CUL3: variants seen among roughly 807,000 people sequenced by gnomAD.
The protein encoded by CUL3 is cullin-3.
CUL3 carries 19 observed loss-of-function variants against 89.1 expected under a neutral mutation model. That is an observed-to-expected ratio of 0.21 (90% CI 0.15 to 0.31). CUL3 has a LOEUF of 0.31. CUL3 is among the 10% of genes least tolerant of loss of function. The pLI is 1.00. For synonymous variants in CUL3, 351 were observed against 308.4 expected, an observed-to-expected ratio of 1.14 and a Z score of -1.45; for missense variants, 469 against 942.3, an observed-to-expected ratio of 0.50 and a Z score of 6.58.
At chr2:224,573,411 TAC>T (rs1200106946) in intron 1 of CUL3, among the ~76,000 whole-genome samples, 1 of 152,214 alleles carries the variant, frequency 6.6e-6, no homozygotes. Context: ...TTCAAGTCAA[TAC>T]ACACTAAGGT....
At chr2:224,528,006 A>G (rs955392489) in intron 3 of CUL3, among the ~76,000 whole-genome samples, 2 of 152,186 alleles carry the variant, frequency 1.3e-5, no homozygotes, top group African/African-American at 2.4e-5. Flanking sequence ...CAACTCACCT[A>G]AATTATCCCC....
At chr2:224,500,284 C>T (rs369283771) in intron 11 of CUL3, 79 bp downstream of exon 11, 50 of 1,491,560 alleles carry the variant, frequency 3.4e-5, no homozygotes, top group South Asian at 2.1e-4. Context: ...TCCTCAATTA[C>T]GGATACTAAT....
At position 224,532,817 on chromosome 2, in the gene CUL3, T is replaced by C. The variant is rs542200182; in HGVS notation, c.378+2711A>G. Among the ~76,000 whole-genome samples, 44 of 152,150 alleles carry C rather than the reference T, an allele frequency of 2.9e-4. 1 individual carries two copies. The highest frequency in any genetic ancestry group is 3.3e-4 in the Admixed American group (5 of 15,278). ...AGAACCCTAAAATACTTAAGGTTCA[T>C]GACAAGGTAGAAAGGGATTGACCCA... On this transcript the variant is annotated intron_variant, in intron 3 of 15. Transcript: ENST00000264414.
intron 1 of CUL3, among the ~76,000 whole-genome samples, chr2:224,567,581 T>C (rs1264790491): frequency 6.6e-6 from 1 of 151,576 alleles, no homozygotes; most frequent in Non-Finnish European, 1.5e-5. Flanking sequence ...CTACTAAAAA[T>C]ACAAAAAAAT....
intron 1 of CUL3, among the ~76,000 whole-genome samples, chr2:224,579,292 T>C (rs767087162): frequency 8.5e-5 from 13 of 152,166 alleles, no homozygotes; most frequent in Non-Finnish European, 1.8e-4. Context: ...TTTCATAACA[T>C]GAAAAATGAA....
intron 1 of CUL3, among the ~76,000 whole-genome samples, chr2:224,574,182 A>G (rs1034587901): frequency 6.6e-6 from 1 of 152,182 alleles, no homozygotes; most frequent in Non-Finnish European, 1.5e-5. Context: ...TCCCCTTTGA[A>G]GTCGTTTTAT....
At chr2:224,567,956 A>T (rs1362060720) in intron 1 of CUL3, among the ~76,000 whole-genome samples, 1 of 152,164 alleles carries the variant, frequency 6.6e-6, no homozygotes, top group Non-Finnish European at 1.5e-5. Flanking sequence ...CAACAACATT[A>T]AACCAATGGG....
intron 1 of CUL3, among the ~76,000 whole-genome samples, chr2:224,578,781 G>A (rs1695369093): frequency 6.6e-6 from 1 of 151,922 alleles, no homozygotes. Context: ...AACCTAACAG[G>A]ACTACTAAAG....
chr2:224,508,167 C>T (rs1022121652), intron 6 of CUL3, among the ~76,000 whole-genome samples: 2 of 151,260 alleles, frequency 1.3e-5, no homozygotes, highest in Non-Finnish European at 2.9e-5. Context: ...AATTTGCCTA[C>T]CTTGGTCTAC....
intron 2 of CUL3, among the ~76,000 whole-genome samples, chr2:224,552,389 C>T (rs1476715323): frequency 6.6e-6 from 1 of 152,170 alleles, no homozygotes; most frequent in Non-Finnish European, 1.5e-5. Flanking sequence ...CTATGGGTGT[C>T]AGTTTCCTCA....
intron 1 of CUL3, among the ~76,000 whole-genome samples, chr2:224,583,107 G>T (rs1559250323): frequency 6.6e-6 from 1 of 152,146 alleles, no homozygotes; most frequent in Non-Finnish European, 1.5e-5. Flanking sequence ...GGCCTGGCGC[G>T]GTGGCTCACT....
Position 224,471,860 on chromosome 2 carries a change from C to T in CUL3, c.*2385G>A, listed in dbSNP as rs1691143413. The T allele has an allele frequency of 2.6e-5, 6 of 230,262 alleles. No homozygotes were observed. Among genetic ancestry groups the T allele is most frequent in the Non-Finnish European group, 5.2e-5 (6 of 116,302 alleles). The allele number at this position is 230,262 out of a possible 1,614,324, so 14.3% of individuals were successfully genotyped here. ...TGCAGTTGAAAAACTATGTATCCACCCTCCTTAAAAGTCTTCTAATAAATC... is the reference window on the plus strand; with the variant it reads ...TGCAGTTGAAAAACTATGTATCCACTCTCCTTAAAAGTCTTCTAATAAATC... On this transcript the variant is annotated 3_prime_UTR_variant, in exon 16 of 16. Transcript: ENST00000264414.
rs530054431 is a variant in CUL3, at chr2:224,487,443, C to CAA, written c.1843-5367_1843-5366dup. ...GAATATTTACCAAGCCCGCCCCCCC[C>CAA]AAAAAAAAAAAAAAAAAAAAAAGCA... On this transcript the variant is annotated intron_variant, in intron 13 of 15. Transcript: ENST00000264414. 8.9e-3 allele frequency among the ~76,000 whole-genome samples: 250 copies of CAA among 27,966 alleles called. 1 individual carries two copies. The highest frequency in any genetic ancestry group is 0.025 in the African/African-American group (127 of 5,024). 18.3% of individuals were successfully genotyped at this position (27,966 alleles called of 152,430 possible).
At position 224,537,427 on chromosome 2, in the gene CUL3, A is replaced by G. The variant is rs555070674; in HGVS notation, c.265-1786T>C. ...TCTTTTGTTCACAAGACTAAGCTCC[A>G]TGACTTCAAGTTACATCACCCAGAA... On this transcript the variant is annotated intron_variant, in intron 2 of 15. Transcript: ENST00000264414. Among the ~76,000 whole-genome samples, 17 of 152,318 alleles carry G rather than the reference A, an allele frequency of 1.1e-4. No homozygotes were observed. In the South Asian group the frequency reaches 3.5e-3, roughly 32 times the overall value.
At chr2:224,483,752 T>C (rs767601483) in intron 13 of CUL3, among the ~76,000 whole-genome samples, 11 of 152,186 alleles carry the variant, frequency 7.2e-5, no homozygotes, top group Non-Finnish European at 1.2e-4. Context: ...AGGAATTCCA[T>C]AGTACTGTTC....
rs192166927 is a variant in CUL3 at position 224,474,156 on chromosome 2, T to A, written c.*89A>T. 54 of 1,324,238 alleles carry A rather than the reference T, an allele frequency of 4.1e-5. No individual in the cohort carries two copies. In the African/African-American group the frequency reaches 6.6e-4, roughly 16 times the overall value. The allele number at this position is 1,324,238 out of a possible 1,614,324, so 82.0% of individuals were successfully genotyped here. A position where few individuals can be genotyped will look rare whatever the true frequency, so the allele number is the denominator to read the frequency against. ...ATGTACTGTAATTTAATAGAAGAGA[T>A]GGTCGTCTTAATATTTAATGATTTA... is the stretch of plus-strand genomic sequence containing the variant. On this transcript the variant is annotated 3_prime_UTR_variant, in exon 16 of 16. Transcript: ENST00000264414.
chr2:224,546,169 T>C (rs1250630890), intron 2 of CUL3, among the ~76,000 whole-genome samples: 2 of 152,138 alleles, frequency 1.3e-5, no homozygotes, highest in African/African-American at 4.8e-5. Flanking sequence ...TTAAAAGCTA[T>C]TATTATAGCA....
intron 15 of CUL3, chr2:224,474,585 A>C: frequency 4.1e-6 from 2 of 491,456 alleles, no homozygotes; most frequent in South Asian, 6.0e-5. Flanking sequence ...TGAATGCTAA[A>C]GTGGATAGCA....
chr2:224,559,323 G>A (rs941255692), intron 1 of CUL3, among the ~76,000 whole-genome samples: 2 of 151,658 alleles, frequency 1.3e-5, no homozygotes, highest in South Asian at 2.1e-4. Flanking sequence ...GCGTGGTGGC[G>A]CATGCCTATA....
Sources: gnomAD v4.1 joint callset for allele counts (sites outside exome capture counted in the v4.1 genomes callset) on GRCh38, gnomAD v4.1.1 for gene constraint, MANE v1.5 for transcripts, NCBI Gene and HGNC (gene_info 2026-07-23, HGNC 2026-07-21) for gene names.